NUDCD3: variants seen among roughly 807,000 people sequenced by gnomAD.
NUDCD3 encodes nudC domain-containing protein 3.
Under a neutral mutation model 39.7 loss-of-function variants are expected in NUDCD3, and 13 were observed. The observed-to-expected ratio is 0.33, with a 90% confidence interval of 0.21 to 0.52. The LOEUF is 0.52. Ranked by LOEUF, NUDCD3 falls within the 20% of genes least tolerant of loss-of-function variation. The pLI is 0.96. For missense variants in NUDCD3, 453 were observed against 458.1 expected (o/e 0.99, Z 0.10); for synonymous variants, 175 against 172.4 (o/e 1.02, Z -0.12).
At chr7:44,392,998 G>A (rs1798548452) in intron 4 of NUDCD3, among the ~76,000 whole-genome samples, 2 of 152,114 alleles carry the variant, frequency 1.3e-5, no homozygotes, top group East Asian at 1.9e-4. Context: ...TGCTATCTTA[G>A]GGGTAAGCTG....
intron 2 of NUDCD3, among the ~76,000 whole-genome samples, chr7:44,482,158 A>G (rs1218081074): frequency 1.3e-5 from 2 of 152,220 alleles, no homozygotes; most frequent in African/African-American, 2.4e-5. Context: ...TGCGCATAGA[A>G]AGAACTCCAA....
rs531823787 is a variant in NUDCD3, at chr7:44,396,484, G to A, written c.787-3999C>T. Among the ~76,000 whole-genome samples the A allele has an allele frequency of 5.1e-4, 77 of 152,192 alleles. 1 individual carries two copies. The South Asian group carries it at 0.016, about 31-fold the overall frequency. ...TTCTAAACAAGGGCATTCTAACATC[G>A]TTATTGACTTGCCTGGAGTCCCTCT... On this transcript the variant is annotated intron_variant, in intron 4 of 5. Coordinates refer to ENST00000355451, the MANE Select transcript of NUDCD3 (RefSeq NM_015332.4).
At chr7:44,457,655 C>G (rs1283569444) in intron 2 of NUDCD3, among the ~76,000 whole-genome samples, 34 of 152,086 alleles carry the variant, frequency 2.2e-4, no homozygotes, top group Admixed American at 2.2e-3. Context: ...TAATACAGGA[C>G]TTGTATGTAG....
chr7:44,442,940 G>A (rs1313430624), intron 2 of NUDCD3, among the ~76,000 whole-genome samples: 2 of 151,990 alleles, frequency 1.3e-5, no homozygotes, highest in African/African-American at 4.8e-5. Flanking sequence ...CTGACCTCGT[G>A]ATCCACCCAC....
At chr7:44,418,123 G>A (rs1325345931) in intron 3 of NUDCD3, among the ~76,000 whole-genome samples, 2 of 152,186 alleles carry the variant, frequency 1.3e-5, no homozygotes, top group Admixed American at 6.5e-5. Flanking sequence ...AGACTGCAGA[G>A]GGAGTGGTCA....
chr7:44,380,121 T>G lies in NUDCD3; in HGVS notation c.*5890A>C, dbSNP rs915508429. ...TCTTGTCATCAGGCACCCTGAATGC[T>G]TTCAGGTGGATGGTTTGGATCTCTC... On this transcript the variant is annotated 3_prime_UTR_variant, in exon 6 of 6. Coordinates refer to ENST00000355451, the MANE Select transcript of NUDCD3 (RefSeq NM_015332.4). The G allele has an allele frequency of 2.6e-5, 4 of 152,254 alleles. No individual in the cohort carries two copies. Among genetic ancestry groups the G allele is most frequent in the Non-Finnish European group, 5.9e-5 (4 of 68,088 alleles). 9.4% of individuals were successfully genotyped at this position (152,254 alleles called of 1,614,324 possible). A position where few individuals can be genotyped will look rare whatever the true frequency, so the allele number is the denominator to read the frequency against.
chr7:44,406,201 A>C (rs557820083), intron 3 of NUDCD3, among the ~76,000 whole-genome samples: 2 of 152,352 alleles, frequency 1.3e-5, no homozygotes, highest in East Asian at 1.9e-4. Flanking sequence ...ATATTCTGCT[A>C]ACCACAGGCG....
chr7:44,388,681 G>A (rs1798449951), intron 5 of NUDCD3, among the ~76,000 whole-genome samples: 1 of 152,216 alleles, frequency 6.6e-6, no homozygotes, highest in African/African-American at 2.4e-5. Flanking sequence ...GTCTATAGCT[G>A]TCACCTGAGA....
intron 3 of NUDCD3, among the ~76,000 whole-genome samples, chr7:44,405,165 C>A (rs1429481030): frequency 6.6e-6 from 1 of 152,164 alleles, no homozygotes; most frequent in Non-Finnish European, 1.5e-5. Flanking sequence ...CAGCTATGCT[C>A]ACCAATATAC....
intron 2 of NUDCD3, among the ~76,000 whole-genome samples, chr7:44,434,416 T>G (rs1300847722): frequency 2.0e-5 from 3 of 152,174 alleles, no homozygotes; most frequent in Admixed American, 6.5e-5. Context: ...CTGCAACTCT[T>G]GCCAGATTCG....
intron 3 of NUDCD3, among the ~76,000 whole-genome samples, chr7:44,408,739 C>T (rs1350220791): frequency 6.6e-6 from 1 of 152,184 alleles, no homozygotes; most frequent in Non-Finnish European, 1.5e-5. Flanking sequence ...TCAGTAAGAA[C>T]AGTGAGCTCT....
intron 3 of NUDCD3, among the ~76,000 whole-genome samples, chr7:44,420,328 C>T (rs1471118247): frequency 6.6e-6 from 1 of 152,030 alleles, no homozygotes. Flanking sequence ...CGAACAAAGC[C>T]TCTAAGAAAT....
chr7:44,408,421 T>C (rs1032347609), intron 3 of NUDCD3, among the ~76,000 whole-genome samples: 2 of 152,176 alleles, frequency 1.3e-5, no homozygotes, highest in African/African-American at 4.8e-5. Context: ...AAGAGATTTC[T>C]AGACAATACT....
intron 2 of NUDCD3, among the ~76,000 whole-genome samples, chr7:44,448,304 G>A (rs1193870872): frequency 6.6e-6 from 1 of 152,190 alleles, no homozygotes; most frequent in African/African-American, 2.4e-5. Context: ...TCCTCTAAGA[G>A]CCAGGGCAGC....
At chr7:44,414,977 C>A (rs1455287187) in intron 3 of NUDCD3, among the ~76,000 whole-genome samples, 1 of 152,140 alleles carries the variant, frequency 6.6e-6, no homozygotes, top group Non-Finnish European at 1.5e-5. Context: ...AGTGACTGCA[C>A]CAGCCTGCAG....
chr7:44,456,583 ACATATCAAGGCCT>A (rs1406186394), intron 2 of NUDCD3, among the ~76,000 whole-genome samples: 1 of 152,140 alleles, frequency 6.6e-6, no homozygotes, highest in African/African-American at 2.4e-5. Flanking sequence ...AGCCTAGGCA[ACATATCAAGGCCT>A]CATCTCTACT....
At chr7:44,411,518 A>G (rs1798924586) in intron 3 of NUDCD3, among the ~76,000 whole-genome samples, 1 of 152,248 alleles carries the variant, frequency 6.6e-6, no homozygotes, top group Non-Finnish European at 1.5e-5. Context: ...AAATAAGGAC[A>G]TAAAAAGATG....
intron 3 of NUDCD3, among the ~76,000 whole-genome samples, chr7:44,416,324 A>C (rs1799021754): frequency 6.6e-6 from 1 of 151,980 alleles, no homozygotes; most frequent in Non-Finnish European, 1.5e-5. Context: ...CCTGGGCTCA[A>C]GCAATCTGCC....
intron 2 of NUDCD3, among the ~76,000 whole-genome samples, chr7:44,454,255 C>T (rs1290986051): frequency 6.6e-6 from 1 of 152,180 alleles, no homozygotes; most frequent in East Asian, 1.9e-4. Flanking sequence ...AGGAGAATGG[C>T]ATGAACCCGT....
Sources: gnomAD v4.1 joint callset for allele counts (sites outside exome capture counted in the v4.1 genomes callset) on GRCh38, gnomAD v4.1.1 for gene constraint, MANE v1.5 for transcripts, NCBI Gene and HGNC (gene_info 2026-07-23, HGNC 2026-07-21) for gene names.